The following NCOA1 variants were observed in gnomAD, a reference collection of about 807,000 sequenced individuals.
NCOA1 encodes nuclear receptor coactivator 1.
NCOA1 carries 35 observed loss-of-function variants against 150.9 expected under a neutral mutation model. The observed-to-expected ratio is 0.23, with a 90% CI of 0.18 to 0.31. NCOA1 has a LOEUF of 0.31. Among genes scored for constraint, NCOA1 ranks in the 10% least tolerant of loss-of-function variants. NCOA1 has a pLI of 1.00. For synonymous variants in NCOA1, 590 were observed against 630.0 expected (o/e 0.94, Z 0.95); for missense variants, 1,491 against 1,749.3 (o/e 0.85, Z 2.63).
chr2:24,683,151 A>G (rs1263347839), intron 8 of NCOA1, 23 bp downstream of exon 8: 1 of 1,495,020 alleles, frequency 6.7e-7, no homozygotes, highest in Admixed American at 2.4e-5. Context: ...GTGTTTTTAA[A>G]AAGAATACTA....
chr2:24,590,133 T>C (rs1667594338), intron 3 of NCOA1, among the ~76,000 whole-genome samples: 1 of 152,188 alleles, frequency 6.6e-6, no homozygotes, highest in East Asian at 1.9e-4. Context: ...TAGTGTAAAA[T>C]TCTTTCTTTA....
At chr2:24,569,343 T>C (rs1385199174) in intron 2 of NCOA1, among the ~76,000 whole-genome samples, 2 of 152,138 alleles carry the variant, frequency 1.3e-5, no homozygotes, top group Admixed American at 6.5e-5. Flanking sequence ...TTGCTACTGA[T>C]ATTGTATGAT....
At chr2:24,708,541 A>G (rs770522856) in intron 13 of NCOA1, among the ~76,000 whole-genome samples, 3 of 152,166 alleles carry the variant, frequency 2.0e-5, no homozygotes, top group Non-Finnish European at 4.4e-5. Flanking sequence ...GTAAAAGTAA[A>G]CAGGTATCTT....
At position 24,769,846 on chromosome 2, in the gene NCOA1, C is replaced by T. The variant is rs974571089; in HGVS notation, c.*1455C>T. On this transcript the variant is annotated 3_prime_UTR_variant, in exon 23 of 23. Coordinates refer to ENST00000348332, the MANE Select transcript of NCOA1 (RefSeq NM_003743.5). Reference sequence around the variant, plus strand: ...GAAGCAAAGGTAGACCCCCATCACTCACCTTTGTCTGCATCCCTGGGCCTG... The same window carrying T: ...GAAGCAAAGGTAGACCCCCATCACTTACCTTTGTCTGCATCCCTGGGCCTG... 1.3e-5 allele frequency: 3 copies of T among 223,868 alleles called. No homozygotes were observed. The Admixed American group carries it at 1.7e-4, about 13-fold the overall frequency. The allele number at this position is 223,868 out of a possible 1,614,324, so 13.9% of individuals were successfully genotyped here.
chr2:24,639,276 TAATA>T (rs1333161647), intron 3 of NCOA1, among the ~76,000 whole-genome samples: 3 of 152,064 alleles, frequency 2.0e-5, no homozygotes, highest in Admixed American at 1.3e-4. Context: ...GTGGTTATTT[TAATA>T]AATAAAATAA....
chr2:24,688,896 T>G (rs2148554094), intron 8 of NCOA1, among the ~76,000 whole-genome samples: 1 of 152,364 alleles, frequency 6.6e-6, no homozygotes, highest in East Asian at 1.9e-4. Context: ...CATTTAAGTC[T>G]TTAATCCATC....
chr2:24,517,380 T>G (rs1049654853), intron 1 of NCOA1, among the ~76,000 whole-genome samples: 9 of 151,974 alleles, frequency 5.9e-5, no homozygotes, highest in Non-Finnish European at 1.0e-4. Context: ...CTTTCTCCTC[T>G]GAGCAAGTGC....
chr2:24,689,890 G>C (rs571347202), intron 8 of NCOA1, among the ~76,000 whole-genome samples: 2 of 152,194 alleles, frequency 1.3e-5, no homozygotes, highest in Non-Finnish European at 2.9e-5. Flanking sequence ...AAGTGGAGGG[G>C]AGGACCTTGG....
At chr2:24,742,346 C>CT (rs1242700884) in intron 19 of NCOA1, among the ~76,000 whole-genome samples, 160 bp downstream of exon 19, 5 of 152,168 alleles carry the variant, frequency 3.3e-5, no homozygotes, top group Non-Finnish European at 5.9e-5. Context: ...GCTTTTGACA[C>CT]TAAATGGTTG....
At chr2:24,716,287 CTGCTTGATTTTAA>C (rs1674039259) in intron 14 of NCOA1, among the ~76,000 whole-genome samples, 6 of 147,836 alleles carry the variant, frequency 4.1e-5, no homozygotes, top group Non-Finnish European at 7.4e-5. Flanking sequence ...AGTATTTATA[CTGCTTGATTTTAA>C]TACTTCTATA....
At chr2:24,524,839 A>G (rs1294224745) in intron 1 of NCOA1, among the ~76,000 whole-genome samples, 3 of 151,994 alleles carry the variant, frequency 2.0e-5, no homozygotes, top group Non-Finnish European at 4.4e-5. Flanking sequence ...TGAACTCCCA[A>G]CCTCAGGTGA....
intron 19 of NCOA1, among the ~76,000 whole-genome samples, chr2:24,742,750 C>T (rs1423486848): frequency 6.6e-6 from 1 of 151,740 alleles, no homozygotes; most frequent in Non-Finnish European, 1.5e-5. Flanking sequence ...TCTCATTGAT[C>T]TCTATGAGAA....
chr2:24,754,021 C>A (rs1366303695), intron 20 of NCOA1, among the ~76,000 whole-genome samples: 1 of 152,132 alleles, frequency 6.6e-6, no homozygotes, highest in Admixed American at 6.5e-5. Context: ...TTCCATTTTC[C>A]ACTTGTCCAG....
intron 4 of NCOA1, among the ~76,000 whole-genome samples, chr2:24,653,795 C>T (rs1670807543): frequency 1.3e-5 from 2 of 152,114 alleles, no homozygotes; most frequent in African/African-American, 4.8e-5. Flanking sequence ...AGATGAGCAG[C>T]TAAGGAAACA....
intron 19 of NCOA1, among the ~76,000 whole-genome samples, chr2:24,749,348 T>C (rs6761875): frequency 0.26 from 38,858 of 152,082 alleles, 5,013 homozygotes; most frequent in Non-Finnish European, 0.27. Context: ...CCAGAGAGGA[T>C]AGCACTACAC....
In NCOA1 at chr2:24,739,553, C is replaced by A; in HGVS notation, c.3303+20C>A. The A allele has an allele frequency of 6.4e-7, 1 of 1,553,424 alleles. No homozygotes were observed. The highest frequency in any genetic ancestry group is 8.9e-7 in the Non-Finnish European group (1 of 1,124,750). On this transcript the variant is annotated intron_variant, in intron 18 of 22. Coordinates refer to ENST00000348332, the MANE Select transcript of NCOA1 (RefSeq NM_003743.5). Reference sequence around the variant, plus strand: ...CCTCAGGTAATGTGAGAAAACCAGACGTCATTAGTACTTCTTTAACCCACA... The same window carrying A: ...CCTCAGGTAATGTGAGAAAACCAGAAGTCATTAGTACTTCTTTAACCCACA...
intron 2 of NCOA1, among the ~76,000 whole-genome samples, chr2:24,577,782 A>G (rs952963459): frequency 3.9e-5 from 6 of 152,204 alleles, no homozygotes; most frequent in East Asian, 1.9e-4. Context: ...GAGATTGTGC[A>G]GTTTTTACTG....
intron 2 of NCOA1, among the ~76,000 whole-genome samples, chr2:24,571,179 T>A (rs1471962545): frequency 6.6e-6 from 1 of 151,964 alleles, no homozygotes; most frequent in East Asian, 1.9e-4. Flanking sequence ...TGGCCATTAG[T>A]TGATCGTGCA....
chr2:24,569,579 T>TTTTTTTTG (rs1666653738), intron 2 of NCOA1, among the ~76,000 whole-genome samples: 1 of 133,178 alleles, frequency 7.5e-6, no homozygotes, highest in African/African-American at 2.6e-5. Context: ...TTTTTTTTTT[T>TTTTTTTTG]ACTGAATTTG....
Sources: allele counts gnomAD v4.1 joint callset (sites outside exome capture counted in the v4.1 genomes callset), GRCh38; gene constraint gnomAD v4.1.1; transcripts MANE v1.5; gene names NCBI Gene and HGNC (gene_info 2026-07-23, HGNC 2026-07-21).